Variants in ARID2 observed in about 807,000 individuals in gnomAD.
The protein encoded by ARID2 is AT-rich interaction domain 2.
ARID2 carries 32 observed loss-of-function variants against 184.6 expected under a neutral mutation model. The observed-to-expected ratio is 0.17, with a 90% CI of 0.13 to 0.23. The LOEUF is 0.23. ARID2 is among the 10% of genes least tolerant of loss of function. The probability of loss-of-function intolerance (pLI) is 1.00; values close to 1 mark genes in which losing one functional copy is unlikely to be tolerated. For missense variants in ARID2, 1,696 were observed against 2,197.6 expected, an observed-to-expected ratio of 0.77 and a Z score of 4.56; for synonymous variants, 836 against 772.6, an observed-to-expected ratio of 1.08 and a Z score of -1.36.
At chr12:45,837,777 C>A (rs2138133413) in intron 10 of ARID2, 70 bp downstream of exon 10, 1 of 1,378,744 alleles carries the variant, frequency 7.3e-7, no homozygotes, top group East Asian at 2.4e-5. Flanking sequence ...CTGTACAAAA[C>A]CCTCAATTTA....
At chr12:45,815,499 T>C (rs1157555522) in intron 4 of ARID2, among the ~76,000 whole-genome samples, 1 of 152,168 alleles carries the variant, frequency 6.6e-6, no homozygotes, top group Non-Finnish European at 1.5e-5. Context: ...GGTGTATCTC[T>C]TCAACTGTCT....
intron 3 of ARID2, among the ~76,000 whole-genome samples, chr12:45,766,293 G>GAGT (rs1941768941): frequency 6.6e-6 from 1 of 150,822 alleles, no homozygotes; most frequent in African/African-American, 2.4e-5. Context: ...TCAGCCTCCT[G>GAGT]AGTAGGTGGG....
At chr12:45,765,287 A>G (rs1941750969) in intron 3 of ARID2, among the ~76,000 whole-genome samples, 2 of 151,960 alleles carry the variant, frequency 1.3e-5, no homozygotes, top group South Asian at 4.1e-4. Context: ...GGCTCATTGC[A>G]GCCTCGACTC....
intron 3 of ARID2, among the ~76,000 whole-genome samples, chr12:45,750,924 T>C (rs1251786960): frequency 6.6e-6 from 1 of 152,230 alleles, no homozygotes; most frequent in Admixed American, 6.5e-5. Context: ...ACCCAGGTCT[T>C]CTGCTTCCAG....
At chr12:45,853,220 T>A (rs1422077555) in intron 15 of ARID2, among the ~76,000 whole-genome samples, 2 of 152,216 alleles carry the variant, frequency 1.3e-5, no homozygotes, top group African/African-American at 4.8e-5. Flanking sequence ...ACTGCACAAG[T>A]GTTGGGGGGA....
chr12:45,805,494 A>G (rs772433334), intron 3 of ARID2, among the ~76,000 whole-genome samples: 2 of 152,030 alleles, frequency 1.3e-5, no homozygotes, highest in East Asian at 1.9e-4. Context: ...ATTACCAATC[A>G]CAATTGCTTT....
At chr12:45,864,576 CTGATACTGTTTAGCATGTT>C (rs1427011522) in intron 16 of ARID2, among the ~76,000 whole-genome samples, 2 of 149,740 alleles carry the variant, frequency 1.3e-5, no homozygotes, top group Non-Finnish European at 3.0e-5. Context: ...CTGGATTTTC[CTGATACTGTTTAGCATGTT>C]ACTCTGACCT....
chr12:45,750,091 C>T (rs1941432157), intron 3 of ARID2, among the ~76,000 whole-genome samples: 1 of 152,142 alleles, frequency 6.6e-6, no homozygotes, highest in South Asian at 2.1e-4. Context: ...TTTGAAATAC[C>T]TTCCTCATTA....
At chr12:45,853,695 T>G (rs1943596843) in intron 15 of ARID2, among the ~76,000 whole-genome samples, 2 of 152,232 alleles carry the variant, frequency 1.3e-5, no homozygotes, top group Non-Finnish European at 2.9e-5. Context: ...TTTCACTCTG[T>G]TCTTCCTAAT....
chr12:45,831,277 G>A (rs1444848410), intron 6 of ARID2, among the ~76,000 whole-genome samples: 1 of 151,948 alleles, frequency 6.6e-6, no homozygotes, highest in Non-Finnish European at 1.5e-5. Context: ...TTACCTCTAA[G>A]CACAGCTTAA....
chr12:45,730,881 T>TA (rs1359079893), intron 2 of ARID2, among the ~76,000 whole-genome samples: 3 of 149,086 alleles, frequency 2.0e-5, no homozygotes, highest in Non-Finnish European at 4.5e-5. Context: ...AACTTTTTTT[T>TA]TTTTTTTTTT....
intron 15 of ARID2, among the ~76,000 whole-genome samples, chr12:45,855,903 A>G (rs1035028990): frequency 6.6e-6 from 1 of 151,466 alleles, no homozygotes; most frequent in Non-Finnish European, 1.5e-5. Context: ...TTTATGTTTT[A>G]TTTTTGTAGA....
intron 10 of ARID2, among the ~76,000 whole-genome samples, chr12:45,838,274 CT>C (rs1943257516): frequency 6.6e-6 from 1 of 152,190 alleles, no homozygotes. Context: ...TTTAAATATA[CT>C]TACTAACACA....
rs142193122 is a variant in ARID2, at chr12:45,730,107, C to A, written c.156C>A (p.Thr52=). 1.9e-6 allele frequency: 3 copies of A among 1,613,560 alleles called. No homozygotes were observed. Among genetic ancestry groups the A allele is most frequent in the Non-Finnish European group, 2.5e-6 (3 of 1,179,786 alleles). ...AGCTGGATCTTCACGGTCTCTACAC[C>A]AGAGTCACTACTTTAGGCGGATTCG... ...GKELDLHGLY[T]RVTTLGGFAK... Residue 52 remains threonine, a synonymous_variant, in exon 2 of 21, where the codon ACC becomes ACA. Transcript: ENST00000334344.
chr12:45,848,749 C>T (rs1311444093), intron 12 of ARID2, 87 bp from the exon 13 acceptor site: 16 of 1,169,856 alleles, frequency 1.4e-5, no homozygotes, highest in Admixed American at 2.9e-5. Flanking sequence ...TTAGTTTTAA[C>T]ACATTGCCTC....
Position 45,907,776 on chromosome 12 carries a change from T to C in ARID2, c.*2698T>C, listed in dbSNP as rs1181558070. On this transcript the variant is annotated 3_prime_UTR_variant, in exon 21 of 21. Transcript: ENST00000334344. ...CTTTGAGAAATCTATGTAAATAATA[T>C]AGTCTACAACATAGAGACTGTATAA... 5 of 232,666 alleles carry C rather than the reference T, an allele frequency of 2.1e-5. No homozygotes were observed. The highest frequency in any genetic ancestry group is 4.4e-5 in the African/African-American group (2 of 45,302). 14.4% of individuals were successfully genotyped at this position (232,666 alleles called of 1,614,324 possible).
intron 3 of ARID2, among the ~76,000 whole-genome samples, chr12:45,782,288 A>T (rs1279796552): frequency 6.6e-6 from 1 of 152,142 alleles, no homozygotes; most frequent in Non-Finnish European, 1.5e-5. Flanking sequence ...AACGGAGGAG[A>T]TTAAAAAAAT....
intron 6 of ARID2, among the ~76,000 whole-genome samples, chr12:45,835,351 CT>C (rs1400822195): frequency 1.3e-5 from 2 of 151,858 alleles, no homozygotes. Context: ...TGAACATTGT[CT>C]TTTAAAAAAA....
At position 45,850,495 on chromosome 12, in the gene ARID2, T is replaced by C. The variant is rs2138162481; in HGVS notation, c.2372T>C (p.Val791Ala). 4 of 1,614,060 alleles carry C rather than the reference T, an allele frequency of 2.5e-6. No homozygotes were observed. Among genetic ancestry groups the C allele is most frequent in the Non-Finnish European group, 3.4e-6 (4 of 1,179,982 alleles). The change falls in exon 15 of 21, where the codon GTA becomes GCA. Residue 791 changes from valine to alanine, a missense_variant. Coordinates refer to ENST00000334344, the MANE Select transcript of ARID2 (RefSeq NM_152641.4). The part of the protein sequence containing the change: ...GQIPSGTPVT[V>A]IQQAVPQSHM... ...ATCCCTTCAGGCACTCCTGTTACAG[T>C]AATTCAACAAGCTGTCCCACAGAGT...
Sources: allele counts gnomAD v4.1 joint callset (sites outside exome capture counted in the v4.1 genomes callset), GRCh38; gene constraint gnomAD v4.1.1; transcripts MANE v1.5; gene names NCBI Gene and HGNC (gene_info 2026-07-23, HGNC 2026-07-21).